The following DAPP1 variants were observed in gnomAD, a reference collection of about 807,000 sequenced individuals.
DAPP1 encodes the protein dual adapter for phosphotyrosine and 3-phosphotyrosine and 3-phosphoinositide.
Under a neutral mutation model 41.5 loss-of-function variants are expected in DAPP1, and 20 were observed. The ratio of observed to expected loss-of-function variants is 0.48; its 90% confidence interval spans 0.34 to 0.70. The LOEUF (loss-of-function observed/expected upper bound fraction) is 0.70, where lower values mean the gene tolerates loss of function less well. DAPP1 is among the 30% of genes least tolerant of loss of function. The pLI is 0.01. For synonymous variants in DAPP1, 113 were observed against 116.2 expected (o/e 0.97, Z 0.18); for missense variants, 233 against 333.4 (o/e 0.70, Z 2.35).
intron 2 of DAPP1, among the ~76,000 whole-genome samples, chr4:99,839,536 C>T (rs1465214372): frequency 2.0e-5 from 3 of 151,902 alleles, no homozygotes; most frequent in African/African-American, 7.3e-5. Context: ...AGGAAAAGGG[C>T]TAGGCTCACG....
chr4:99,863,278 G>A (rs1337096385), intron 6 of DAPP1, among the ~76,000 whole-genome samples: 1 of 152,064 alleles, frequency 6.6e-6, no homozygotes, highest in African/African-American at 2.4e-5. Flanking sequence ...TCTTGGATTG[G>A]CTAAACCATA....
Position 99,866,076 on chromosome 4 carries a change from C to T in DAPP1, c.729C>T (p.Thr243=), listed in dbSNP as rs77036069. 52 of 1,592,198 alleles carry T rather than the reference C, an allele frequency of 3.3e-5. No individual in the cohort carries two copies. Among genetic ancestry groups the T allele is most frequent in the African/African-American group, 6.8e-5 (5 of 72,998 alleles). ...PFRTFYLCAK[T]GVEADEWIKI... is the part of the protein sequence containing the mutation. ...GGACATTTTATCTCTGTGCAAAGACCGGAGTAGAAGCTGATGAGTGGATCA... is the reference window on the plus strand; with the variant it reads ...GGACATTTTATCTCTGTGCAAAGACTGGAGTAGAAGCTGATGAGTGGATCA... Residue 243 remains threonine, a synonymous_variant, in exon 8 of 9, where the codon ACC becomes ACT. Coordinates refer to ENST00000512369, the MANE Select transcript of DAPP1 (RefSeq NM_014395.3).
chr4:99,829,298 G>C (rs1352627703), intron 1 of DAPP1, among the ~76,000 whole-genome samples: 1 of 152,008 alleles, frequency 6.6e-6, no homozygotes, highest in African/African-American at 2.4e-5. Flanking sequence ...TGGCCAATAT[G>C]GTGAAACCCT....
At chr4:99,844,358 A>T (rs1025909409) in intron 3 of DAPP1, 3 of 152,216 alleles carry the variant, frequency 2.0e-5, no homozygotes, top group African/African-American at 7.2e-5. Flanking sequence ...ATCAAATAAA[A>T]CATATTCATG....
intron 1 of DAPP1, among the ~76,000 whole-genome samples, chr4:99,827,305 C>T (rs957643930): frequency 6.6e-6 from 1 of 151,990 alleles, no homozygotes; most frequent in Non-Finnish European, 1.5e-5. Flanking sequence ...GAGGCTGAGG[C>T]GGGCGGATCA....
intron 4 of DAPP1, among the ~76,000 whole-genome samples, chr4:99,854,717 TCC>T (rs1723985911): frequency 6.6e-6 from 1 of 152,176 alleles, no homozygotes; most frequent in Admixed American, 6.5e-5. Flanking sequence ...TATCTACTCA[TCC>T]CTCAAGACTG....
chr4:99,837,616 T>G (rs912306690), intron 2 of DAPP1, among the ~76,000 whole-genome samples: 1 of 152,208 alleles, frequency 6.6e-6, no homozygotes, highest in African/African-American at 2.4e-5. Context: ...ATCTAATGGT[T>G]AAGTTGTAGA....
chr4:99,827,607 T>C (rs532057945), intron 1 of DAPP1, among the ~76,000 whole-genome samples: 4 of 151,888 alleles, frequency 2.6e-5, no homozygotes, highest in African/African-American at 9.7e-5. Flanking sequence ...AATGACCTAA[T>C]TGGAAGTTTT....
chr4:99,854,675 C>T (rs947352179), intron 4 of DAPP1, among the ~76,000 whole-genome samples: 3 of 152,160 alleles, frequency 2.0e-5, no homozygotes, highest in Non-Finnish European at 4.4e-5. Flanking sequence ...TTTCTCCTCT[C>T]CCTACATCTG....
chr4:99,853,210 T>C lies in DAPP1; in HGVS notation c.359-8T>C. On this transcript the variant is annotated splice_polypyrimidine_tract_variant and splice_region_variant and intron_variant, in intron 3 of 8. Transcript: ENST00000512369. ...CTGTTCGATTATATATTTTTCATCT[T>C]CATTCAGGCACTCTGATGGTTCTAA... 1.2e-6 allele frequency: 2 copies of C among 1,613,848 alleles called. No homozygotes were observed. Among genetic ancestry groups the C allele is most frequent in the Non-Finnish European group, 1.7e-6 (2 of 1,179,820 alleles).
chr4:99,842,857 T>C (rs962988075), intron 3 of DAPP1, among the ~76,000 whole-genome samples: 4 of 148,712 alleles, frequency 2.7e-5, no homozygotes, highest in Admixed American at 1.3e-4. Context: ...TCTTTCTTTT[T>C]TTTTTTTTTT....
intron 6 of DAPP1, 48 bp from the exon 7 acceptor site, chr4:99,863,722 T>TG: frequency 3.3e-6 from 4 of 1,207,922 alleles, no homozygotes; most frequent in South Asian, 1.4e-5. Flanking sequence ...TTGTCTGTTT[T>TG]TTTTTTTTTT....
chr4:99,866,209 A>G (rs886139211), intron 8 of DAPP1, 88 bp downstream of exon 8: 4 of 754,522 alleles, frequency 5.3e-6, no homozygotes, highest in Non-Finnish European at 9.1e-6. Context: ...GAGTCAGACT[A>G]GACCCAAGAA....
chr4:99,820,130 G>C (rs952480412), intron 1 of DAPP1, among the ~76,000 whole-genome samples: 1 of 152,170 alleles, frequency 6.6e-6, no homozygotes, highest in Non-Finnish European at 1.5e-5. Context: ...ATGGGCTTAG[G>C]GGGAAGAGAG....
At chr4:99,858,110 T>C (rs1311109810) in intron 4 of DAPP1, among the ~76,000 whole-genome samples, 2 of 152,200 alleles carry the variant, frequency 1.3e-5, no homozygotes, top group East Asian at 1.9e-4. Context: ...AAAATTAACA[T>C]TGAGGCTGTG....
rs754964315 is a variant in DAPP1, at chr4:99,835,576, C to T, written c.102-47C>T. ...AAGGAAAAGCCAGTGCAGGGGGAGTCATGCCATGGTTTGGCCTGAGTGAAA... is the reference window on the plus strand; with the variant it reads ...AAGGAAAAGCCAGTGCAGGGGGAGTTATGCCATGGTTTGGCCTGAGTGAAA... On this transcript the variant is annotated intron_variant, in intron 1 of 8. Transcript: ENST00000512369. 1.9e-6 allele frequency: 3 copies of T among 1,600,940 alleles called. No homozygotes were observed. The Admixed American group carries it at 5.1e-5, about 27-fold the overall frequency.
chr4:99,824,084 AT>A (rs1410682082), intron 1 of DAPP1, among the ~76,000 whole-genome samples: 10 of 152,118 alleles, frequency 6.6e-5, no homozygotes, highest in African/African-American at 2.4e-4. Flanking sequence ...ATACAAGTTG[AT>A]TGCATGTTTG....
intron 2 of DAPP1, among the ~76,000 whole-genome samples, chr4:99,839,622 A>G (rs1335166601): frequency 6.6e-6 from 1 of 152,022 alleles, no homozygotes; most frequent in Non-Finnish European, 1.5e-5. Context: ...GGCAGAGGAG[A>G]GTGTGGTGAG....
At chr4:99,850,879 G>A (rs1337559207) in intron 3 of DAPP1, among the ~76,000 whole-genome samples, 1 of 152,136 alleles carries the variant, frequency 6.6e-6, no homozygotes, top group Non-Finnish European at 1.5e-5. Context: ...TTTATTTGGT[G>A]CCTTCTGAAG....
Sources: allele counts gnomAD v4.1 joint callset (sites outside exome capture counted in the v4.1 genomes callset), GRCh38; gene constraint gnomAD v4.1.1; transcripts MANE v1.5; gene names NCBI Gene and HGNC (gene_info 2026-07-23, HGNC 2026-07-21).